The following SLC8A1 variants were observed in gnomAD, a reference collection of about 807,000 sequenced individuals.
SLC8A1 encodes the protein solute carrier family 8 member A1, also known as sodium/calcium exchanger 1.
A neutral mutation model predicts 68.3 loss-of-function variants in SLC8A1; 18 were observed. The ratio of observed to expected loss-of-function variants is 0.26; its 90% CI spans 0.18 to 0.39. The LOEUF (loss-of-function observed/expected upper bound fraction) is 0.39, where lower values mean the gene tolerates loss of function less well. Among genes scored for constraint, SLC8A1 ranks in the 10% least tolerant of loss-of-function variants. SLC8A1 has a pLI of 1.00. For missense variants in SLC8A1, 985 were observed against 1,156.7 expected (o/e 0.85, Z 2.15); for synonymous variants, 475 against 415.5 (o/e 1.14, Z -1.74).
At chr2:40,255,031 A>T (rs1337840532) in intron 2 of SLC8A1, 4 of 150,860 alleles carry the variant, frequency 2.7e-5, no homozygotes, top group African/African-American at 9.7e-5. Context: ...GACTGTCTTC[A>T]TTCTTTGCTT....
intron 2 of SLC8A1, among the ~76,000 whole-genome samples, chr2:40,219,106 G>A (rs1456318889): frequency 1.3e-5 from 2 of 152,058 alleles, no homozygotes; most frequent in African/African-American, 4.8e-5. Context: ...ACTACATGTA[G>A]GATTCTCCTA....
intron 2 of SLC8A1, among the ~76,000 whole-genome samples, chr2:40,255,593 G>A (rs112025733): frequency 2.6e-5 from 4 of 152,158 alleles, no homozygotes; most frequent in South Asian, 2.1e-4. Flanking sequence ...TCACCTCTCT[G>A]GAGTTTATTT....
At chr2:40,450,654 T>C (rs1252647609) in intron 1 of SLC8A1, among the ~76,000 whole-genome samples, 1 of 152,170 alleles carries the variant, frequency 6.6e-6, no homozygotes, top group Non-Finnish European at 1.5e-5. Context: ...CTGATATCCT[T>C]TTTTTCTCTT....
intron 1 of SLC8A1, among the ~76,000 whole-genome samples, chr2:40,491,592 G>A (rs1244173165): frequency 6.6e-6 from 1 of 152,200 alleles, no homozygotes; most frequent in Non-Finnish European, 1.5e-5. Flanking sequence ...TCCAGTTTTT[G>A]CCTATTCAGT....
intron 2 of SLC8A1, among the ~76,000 whole-genome samples, chr2:40,283,613 A>G (rs1424506415): frequency 6.6e-6 from 1 of 152,214 alleles, no homozygotes; most frequent in African/African-American, 2.4e-5. Context: ...CACAAAGAGG[A>G]AAAATGAACA....
chr2:40,317,053 T>C (rs1299973356), intron 2 of SLC8A1, among the ~76,000 whole-genome samples: 2 of 152,078 alleles, frequency 1.3e-5, no homozygotes, highest in Non-Finnish European at 2.9e-5. Flanking sequence ...GTTAAACTAA[T>C]AGCATTCAGT....
intron 2 of SLC8A1, among the ~76,000 whole-genome samples, chr2:40,248,325 G>A (rs1238377117): frequency 2.6e-5 from 4 of 152,182 alleles, no homozygotes; most frequent in African/African-American, 7.2e-5. Flanking sequence ...CTCCCAGGGT[G>A]ATGGGATGAG....
intron 2 of SLC8A1, among the ~76,000 whole-genome samples, chr2:40,382,505 T>C (rs1056199484): frequency 9.2e-5 from 14 of 152,146 alleles, no homozygotes; most frequent in African/African-American, 2.7e-4. Flanking sequence ...CAGTTATCCC[T>C]ATAAGAAACA....
intron 2 of SLC8A1, among the ~76,000 whole-genome samples, chr2:40,305,770 G>A (rs1259537359): frequency 1.3e-5 from 2 of 152,180 alleles, no homozygotes; most frequent in Non-Finnish European, 2.9e-5. Context: ...ACAAGAGAAA[G>A]AAGCCTCCTT....
At chr2:40,314,069 G>A (rs139589399) in intron 2 of SLC8A1, among the ~76,000 whole-genome samples, 3 of 151,986 alleles carry the variant, frequency 2.0e-5, no homozygotes, top group Non-Finnish European at 2.9e-5. Flanking sequence ...AAGAATCTAG[G>A]AAATCTTTGC....
chr2:40,361,339 A>T (rs1674555890), intron 2 of SLC8A1, among the ~76,000 whole-genome samples: 1 of 152,182 alleles, frequency 6.6e-6, no homozygotes. Context: ...CAATTGTGAT[A>T]TGTAAGAGGG....
chr2:40,192,464 C>T (rs2052062659), intron 2 of SLC8A1, among the ~76,000 whole-genome samples: 1 of 152,092 alleles, frequency 6.6e-6, no homozygotes, highest in Middle Eastern at 3.4e-3. Context: ...ATATTTATGA[C>T]AATTTCTTAT....
At chr2:40,152,474 G>A (rs1191403510) in intron 6 of SLC8A1, among the ~76,000 whole-genome samples, 1 of 152,044 alleles carries the variant, frequency 6.6e-6, no homozygotes, top group Non-Finnish European at 1.5e-5. Flanking sequence ...GCATGATTTC[G>A]GCTCACTGCA....
At chr2:40,375,874 C>G (rs1486776888) in intron 2 of SLC8A1, among the ~76,000 whole-genome samples, 1 of 152,038 alleles carries the variant, frequency 6.6e-6, no homozygotes, top group Non-Finnish European at 1.5e-5. Flanking sequence ...CAGTGGTGCA[C>G]ACCTGTAGTT....
chr2:40,476,615 G>A (rs566589186), intron 1 of SLC8A1, among the ~76,000 whole-genome samples: 2 of 152,272 alleles, frequency 1.3e-5, no homozygotes, highest in Admixed American at 6.5e-5. Flanking sequence ...TCTGGGCAGA[G>A]GTCATGGAAA....
chr2:40,373,083 C>T (rs994536736), intron 2 of SLC8A1, among the ~76,000 whole-genome samples: 1 of 151,952 alleles, frequency 6.6e-6, no homozygotes, highest in Non-Finnish European at 1.5e-5. Flanking sequence ...GAAAGAAGTC[C>T]AGAAATGTTA....
chr2:40,285,166 A>G (rs573356343), intron 2 of SLC8A1, among the ~76,000 whole-genome samples: 1 of 152,262 alleles, frequency 6.6e-6, no homozygotes, highest in African/African-American at 2.4e-5. Flanking sequence ...CATTTTACAG[A>G]TGAGGAAATA....
chr2:40,178,207 A>C (rs1180865949), intron 2 of SLC8A1, among the ~76,000 whole-genome samples, 180 bp downstream of exon 3: 8 of 152,136 alleles, frequency 5.3e-5, no homozygotes, highest in Non-Finnish European at 1.5e-5. Flanking sequence ...TGTGCAGCGC[A>C]CCTAACGCTG....
At chr2:40,269,395 G>A (rs2065747625) in intron 2 of SLC8A1, among the ~76,000 whole-genome samples, 2 of 152,068 alleles carry the variant, frequency 1.3e-5, no homozygotes, top group African/African-American at 4.8e-5. Flanking sequence ...CGAAGAAAAT[G>A]GATTTTTCTG....
Sources: allele counts gnomAD v4.1 joint callset (sites outside exome capture counted in the v4.1 genomes callset), GRCh38; gene constraint gnomAD v4.1.1; transcripts MANE v1.5; gene names NCBI Gene and HGNC (gene_info 2026-07-23, HGNC 2026-07-21).